P2RX6: variants seen among roughly 807,000 people sequenced by gnomAD.
The protein encoded by P2RX6 is P2X purinoceptor 6.
A neutral mutation model predicts 54.2 loss-of-function variants in P2RX6; 62 were observed. The observed-to-expected ratio is 1.14, with a 90% CI of 0.93 to 1.41. P2RX6 has a LOEUF of 1.41. Among genes scored for constraint, P2RX6 ranks in the 40% most tolerant of loss-of-function variants. The pLI, the probability that P2RX6 is intolerant of heterozygous loss-of-function variation, is 0.00. For synonymous variants in P2RX6, 211 were observed against 231.9 expected (o/e 0.91, Z 0.82); for missense variants, 541 against 566.3 (o/e 0.96, Z 0.45).
chr22:21,023,035 C>T lies in P2RX6; in HGVS notation c.557C>T (p.Ser186Leu). ...CCCGTGGAGAGTGGCGTTGTGCCCT[C>T]GTAAGTGTCCCCACAATCCCCTACC... The part of the protein sequence containing the change: ...WCPVESGVVP[S>L]RPLLAQAQNF... The change falls in exon 5 of 12, where the codon TCG becomes TTG. Residue 186 changes from serine to leucine, a missense_variant and splice_region_variant. Ser to Leu is a moderately radical substitution (Grantham distance 145). This residue lies in a region of P2RX6 where 526 missense variants were observed against 531.5 expected (regional missense o/e 0.99). Coordinates refer to ENST00000413302, the MANE Select transcript of P2RX6 (RefSeq NM_005446.5). The T allele has an allele frequency of 3.1e-6, 5 of 1,613,024 alleles. No homozygotes were observed. Among genetic ancestry groups the T allele is most frequent in the Middle Eastern group, 1.6e-4 (1 of 6,062 alleles).
At chr22:21,022,289 G>A (rs573717347) in intron 3 of P2RX6, among the ~76,000 whole-genome samples, 16 of 152,334 alleles carry the variant, frequency 1.1e-4, no homozygotes, top group African/African-American at 3.6e-4. Context: ...TGAGAGGATT[G>A]CTTAAGCCCG....
At chr22:21,020,073 C>T (rs1273611697) in intron 3 of P2RX6, among the ~76,000 whole-genome samples, 1 of 152,196 alleles carries the variant, frequency 6.6e-6, no homozygotes, top group Non-Finnish European at 1.5e-5. Flanking sequence ...CAACATGAGC[C>T]ACTGTGCCTG....
chr22:21,011,974 C>T (rs1925760425), upstream of P2RX6, among the ~76,000 whole-genome samples: 1 of 152,230 alleles, frequency 6.6e-6, no homozygotes, highest in Non-Finnish European at 1.5e-5. Flanking sequence ...GTGCATGGAG[C>T]ACTTACATGG....
rs770846081 is a variant in P2RX6 at position 21,023,346 on chromosome 22, A to G, written c.710A>G (p.Tyr237Cys). ...CGCTATGAACCACAATTCAGCCCCT[A>G]CTGTCCCGTGTTCCGCATTGGGGAC... ...HCRYEPQFSP[Y>C]CPVFRIGDLV... Residue 237 changes from tyrosine (Y) to cysteine (C), a missense_variant, in exon 7 of 12, where the codon TAC becomes TGC. Physicochemically the swap from Tyr to Cys is radical, Grantham distance 194. Around this residue, in one of 2 missense-constraint regions of P2RX6, gnomAD observed 526 missense variants for 531.5 expected, o/e 0.99. Coordinates refer to ENST00000413302, the MANE Select transcript of P2RX6 (RefSeq NM_005446.5). The G allele has an allele frequency of 1.2e-6, 2 of 1,613,776 alleles. No homozygotes were observed. The highest frequency in any genetic ancestry group is 8.5e-7 in the Non-Finnish European group (1 of 1,179,838).
At chr22:21,018,089 G>T (rs964254913) in intron 3 of P2RX6, 29 bp downstream of exon 3, 1 of 1,527,142 alleles carries the variant, frequency 6.5e-7, no homozygotes. Context: ...CTCCCAGCGG[G>T]TCCCTTGTTC....
At position 21,015,280 on chromosome 22, in the gene P2RX6, T is replaced by C; in HGVS notation, c.106T>C (p.Trp36Arg). 1 of 1,553,050 alleles carries C rather than the reference T, an allele frequency of 6.4e-7. No homozygotes were observed. Among genetic ancestry groups the C allele is most frequent in the Non-Finnish European group, 8.6e-7 (1 of 1,157,970 alleles). ...KTEKYVMTRN[W>R]RVGALQRLLQ... is the part of the protein sequence containing the mutation. Reference sequence around the variant, plus strand: ...GGAGAAGTATGTGATGACCAGGAACTGGCGGGTGGGCGCCCTGCAGAGGCT... The same window carrying C: ...GGAGAAGTATGTGATGACCAGGAACCGGCGGGTGGGCGCCCTGCAGAGGCT... Residue 36 changes from tryptophan to arginine, a missense_variant, in exon 1 of 12, where the codon TGG (tryptophan) becomes CGG (arginine). Trp to Arg is a moderately radical substitution (Grantham distance 101). Transcript: ENST00000413302.
Position 21,026,466 on chromosome 22 carries a change from C to T in P2RX6, c.1175C>T (p.Ala392Val). The T allele has an allele frequency of 6.2e-7, 1 of 1,602,964 alleles. No individual in the cohort carries two copies. Among genetic ancestry groups the T allele is most frequent in the South Asian group, 1.1e-5 (1 of 88,604 alleles). Residue 392 changes from alanine (A) to valine (V), a missense_variant, in exon 12 of 12, where the codon GCC becomes GTC. Coordinates refer to ENST00000413302, the MANE Select transcript of P2RX6 (RefSeq NM_005446.5). The surrounding 1 kb of genome is among the most constrained non-coding windows in gnomAD (Gnocchi z 4.0). ...GCCAACTCTGTGTGGAGGGAGCTGG[C>T]CCTTGCATCCCAAGCCCGACTGGCC... ...ATANSVWRELALASQARLAEC... is the reference protein window; with the variant it reads ...ATANSVWRELVLASQARLAEC...
intron 3 of P2RX6, chr22:21,018,676 G>A (rs1040169135): frequency 1.3e-5 from 2 of 154,602 alleles, no homozygotes; most frequent in African/African-American, 4.8e-5. Context: ...TGCAGTGGCA[G>A]ATATCAGCTC....
chr22:21,020,623 C>T (rs1327551121), intron 3 of P2RX6, among the ~76,000 whole-genome samples: 1 of 145,286 alleles, frequency 6.9e-6, no homozygotes, highest in Non-Finnish European at 1.5e-5. Flanking sequence ...CAGAGTCTCG[C>T]TCTGTCACCC....
In P2RX6 at chr22:21,026,798, C is replaced by T. The variant is rs1411903240; in HGVS notation, c.*181C>T. 3.0e-6 allele frequency: 4 copies of T among 1,324,610 alleles called. No homozygotes were observed. The highest frequency in any genetic ancestry group is 2.5e-5 in the East Asian group (1 of 39,394). 82.1% of individuals were successfully genotyped at this position (1,324,610 alleles called of 1,614,324 possible). ...TGCCTCAGGGAGCCATAGAAGTCGG[C>T]TGTGTTTTGAGACGGCGACAGAACC... On this transcript the variant is annotated 3_prime_UTR_variant, in exon 12 of 12. Coordinates refer to ENST00000413302, the MANE Select transcript of P2RX6 (RefSeq NM_005446.5). This position sits in a 1 kb window ranked among gnomAD's most constrained non-coding sequence, Gnocchi z 4.0.
rs1334920627 is a variant in P2RX6, at chr22:21,015,234, G to A, written c.60G>A (p.Trp20Ter). Residue 20 changes from tryptophan to a stop codon, truncating the protein, a stop_gained, in exon 1 of 12, where the codon TGG becomes TGA. Coordinates refer to ENST00000413302, the MANE Select transcript of P2RX6 (RefSeq NM_005446.5). LOFTEE classifies it high-confidence loss of function. ...GCTCCCCAGGGGCTACGACAGGCTG[G>A]GGGCTTCTGGATTATAAGACGGAGA... ...SMGSPGATTG[W>*]GLLDYKTEKY... 5.2e-6 allele frequency: 8 copies of A among 1,537,874 alleles called. No individual in the cohort carries two copies. Among genetic ancestry groups the A allele is most frequent in the Non-Finnish European group, 6.9e-6 (8 of 1,153,068 alleles).
Position 21,016,214 on chromosome 22 carries a change from C to A in P2RX6, c.315+122C>A. ...GTGATGCCAGAGACGGCTGCGGGTT[C>A]TCAGGAAGGGCTTCACAGAGGAGTG... On this transcript the variant is annotated intron_variant, in intron 2 of 11. Transcript: ENST00000413302. 5.8e-6 allele frequency: 6 copies of A among 1,027,212 alleles called. No individual in the cohort carries two copies. In the South Asian group the frequency reaches 9.8e-5, roughly 17 times the overall value. 63.6% of individuals were successfully genotyped at this position (1,027,212 alleles called of 1,614,324 possible).
Position 21,022,705 on chromosome 22 carries a change from G to C in P2RX6, c.417G>C (p.Trp139Cys). ...CGTCCGTCCCACTGGCTAACTGCTG[G>C]GTCGACGAGGACTGCCCCGAAGGGG... ...EHPSVPLANC[W>C]VDEDCPEGEG... is the part of the protein sequence containing the mutation. The change falls in exon 4 of 12, where the codon TGG becomes TGC. Residue 139 changes from tryptophan to cysteine, a missense_variant. By Grantham distance (215) the Trp-to-Cys change is radical. Coordinates refer to ENST00000413302, the MANE Select transcript of P2RX6 (RefSeq NM_005446.5). The C allele has an allele frequency of 1.3e-6, 2 of 1,576,124 alleles. No individual in the cohort carries two copies. The highest frequency in any genetic ancestry group is 1.7e-6 in the Non-Finnish European group (2 of 1,162,368).
intron 2 of P2RX6, among the ~76,000 whole-genome samples, chr22:21,017,276 A>C (rs1412241624): frequency 6.6e-6 from 1 of 151,674 alleles, no homozygotes; most frequent in Non-Finnish European, 1.5e-5. Context: ...AATGGCTGCC[A>C]CTCCCAGCAC....
chr22:21,016,871 A>G (rs1158134116), intron 2 of P2RX6, among the ~76,000 whole-genome samples: 1 of 152,028 alleles, frequency 6.6e-6, no homozygotes, highest in Non-Finnish European at 1.5e-5. Context: ...CCCAGTGATC[A>G]CCTGCCCAGA....
Position 21,023,543 on chromosome 22 carries a change from G to A in P2RX6, c.815G>A (p.Cys272Tyr). 1 of 1,613,812 alleles carries A rather than the reference G, an allele frequency of 6.2e-7. No individual in the cohort carries two copies. The highest frequency in any genetic ancestry group is 8.5e-7 in the Non-Finnish European group (1 of 1,179,802). ...GSVGIRVHWD[C>Y]DLDTGDSGCW... ...GTAGGCATCAGAGTTCACTGGGATT[G>A]TGACCTGGACACCGGGGACTCTGGC... Residue 272 changes from cysteine (C) to tyrosine (Y), a missense_variant, in exon 8 of 12, where the codon TGT (cysteine) becomes TAT (tyrosine). Cys to Tyr is a radical substitution (Grantham distance 194). This residue lies in a region of P2RX6 where 526 missense variants were observed against 531.5 expected (regional missense o/e 0.99). Coordinates refer to ENST00000413302, the MANE Select transcript of P2RX6 (RefSeq NM_005446.5).
At chr22:21,022,171 C>T (rs1050553863) in intron 3 of P2RX6, among the ~76,000 whole-genome samples, 5 of 152,038 alleles carry the variant, frequency 3.3e-5, no homozygotes, top group African/African-American at 1.2e-4. Context: ...AGTTAAAAAC[C>T]AGCCTGGTCA....
chr22:21,017,964 G>A lies in P2RX6; in HGVS notation c.316-25G>A, dbSNP rs775312371. 4.2e-5 allele frequency: 65 copies of A among 1,556,498 alleles called. No homozygotes were observed. In the East Asian group the frequency reaches 8.1e-4, roughly 19 times the overall value. On this transcript the variant is annotated intron_variant, in intron 2 of 11. Coordinates refer to ENST00000413302, the MANE Select transcript of P2RX6 (RefSeq NM_005446.5). Reference sequence around the variant, plus strand: ...TTCCAGTCAACACGAGCCCAGCCAGGCCAACCTTGAGACTTGCCTCCTAGG... The same window carrying A: ...TTCCAGTCAACACGAGCCCAGCCAGACCAACCTTGAGACTTGCCTCCTAGG...
upstream of P2RX6, chr22:21,011,653 C>G (rs893857782): frequency 1.4e-6 from 1 of 695,706 alleles, no homozygotes; most frequent in African/African-American, 1.8e-5. Context: ...CCCCTCCCCC[C>G]TCTTCTGCCA....
Sources: gnomAD v4.1 joint callset for allele counts (sites outside exome capture counted in the v4.1 genomes callset) on GRCh38, gnomAD v4.1.1 for gene constraint, gnomAD v4.1.1 regional missense constraint, Gnocchi (gnomAD v3.1) non-coding constraint, MANE v1.5 for transcripts, NCBI Gene and HGNC (gene_info 2026-07-23, HGNC 2026-07-21) for gene names.